NAA35: variants seen among roughly 807,000 people sequenced by gnomAD.
NAA35 encodes the protein N-alpha-acetyltransferase 35, NatC auxiliary subunit.
NAA35 carries 18 observed loss-of-function variants against 101.7 expected under a neutral mutation model. The observed-to-expected ratio is 0.18, with a 90% CI of 0.12 to 0.26. The LOEUF (loss-of-function observed/expected upper bound fraction) is 0.26, where lower values mean the gene tolerates loss of function less well. Among genes scored for constraint, NAA35 ranks in the 10% least tolerant of loss-of-function variants. The pLI is 1.00. For missense variants in NAA35, 601 were observed against 886.8 expected, an observed-to-expected ratio of 0.68 and a Z score of 4.09; for synonymous variants, 267 against 273.1, an observed-to-expected ratio of 0.98 and a Z score of 0.22.
intron 2 of NAA35, among the ~76,000 whole-genome samples, chr9:85,946,375 C>A (rs2118254013): frequency 6.6e-6 from 1 of 152,278 alleles, no homozygotes; most frequent in African/African-American, 2.4e-5. Context: ...AAGGGATCCT[C>A]TTGCCTCAGC....
At chr9:85,984,910 T>C (rs1476658480) in intron 11 of NAA35, among the ~76,000 whole-genome samples, 2 of 152,130 alleles carry the variant, frequency 1.3e-5, no homozygotes, top group Non-Finnish European at 2.9e-5. Flanking sequence ...ATGTGAGAAC[T>C]AAAGCTATGG....
chr9:85,979,574 C>T (rs572837702), intron 11 of NAA35, among the ~76,000 whole-genome samples: 1 of 152,144 alleles, frequency 6.6e-6, no homozygotes, highest in South Asian at 2.1e-4. Context: ...AATTTTGCTT[C>T]TAAGAGAAGT....
intron 6 of NAA35, among the ~76,000 whole-genome samples, chr9:85,972,268 G>A (rs536850510): frequency 1.3e-5 from 2 of 152,166 alleles, no homozygotes; most frequent in East Asian, 3.9e-4. Flanking sequence ...CACTTTGGGA[G>A]GCTGAGATGG....
At chr9:85,979,153 G>T (rs1587609319) in intron 11 of NAA35, among the ~76,000 whole-genome samples, 1 of 152,108 alleles carries the variant, frequency 6.6e-6, no homozygotes, top group Non-Finnish European at 1.5e-5. Flanking sequence ...TTTACTTTCT[G>T]CAGAAAGGGT....
chr9:85,958,998 A>G (rs530844304), intron 4 of NAA35, among the ~76,000 whole-genome samples: 1 of 152,338 alleles, frequency 6.6e-6, no homozygotes, highest in African/African-American at 2.4e-5. Context: ...TATTTTATAA[A>G]GAAAGATTTA....
chr9:86,020,341 C>T (rs1222785548), intron 21 of NAA35, among the ~76,000 whole-genome samples: 1 of 152,058 alleles, frequency 6.6e-6, no homozygotes, highest in Non-Finnish European at 1.5e-5. Flanking sequence ...AGTCTGTGCT[C>T]CTAATACTAT....
chr9:85,975,731 T>G (rs925039274), intron 8 of NAA35, among the ~76,000 whole-genome samples: 1 of 152,220 alleles, frequency 6.6e-6, no homozygotes, highest in Non-Finnish European at 1.5e-5. Flanking sequence ...TGCCAGTGTT[T>G]TAGATTTTTA....
chr9:86,023,311 G>T lies in NAA35; in HGVS notation c.*1351G>T, dbSNP rs1488785627. On this transcript the variant is annotated 3_prime_UTR_variant, in exon 23 of 23. Transcript: ENST00000361671. ...TTATGGAGAGACAAAGAGTATACCT[G>T]TTACTGATGTAGTTACTTTGTTGAG... Among the ~76,000 whole-genome samples, 1 of 152,162 alleles carries T rather than the reference G, an allele frequency of 6.6e-6. No homozygotes were observed. Among genetic ancestry groups the T allele is most frequent in the East Asian group, 1.9e-4 (1 of 5,196 alleles).
At chr9:85,981,036 T>C (rs1830416784) in intron 11 of NAA35, among the ~76,000 whole-genome samples, 1 of 152,156 alleles carries the variant, frequency 6.6e-6, no homozygotes, top group South Asian at 2.1e-4. Flanking sequence ...CGTGCTAAAA[T>C]GTTAGGTAAT....
At chr9:85,955,360 A>ATATATTTTTTTT (rs749448250) in intron 2 of NAA35, among the ~76,000 whole-genome samples, 3 of 53,940 alleles carry the variant, frequency 5.6e-5, no homozygotes, top group Non-Finnish European at 9.1e-5. Flanking sequence ...ATATATATAT[A>ATATATTTTTTTT]TTTTTTTTTT....
At chr9:85,967,201 G>A (rs1829782341) in intron 6 of NAA35, among the ~76,000 whole-genome samples, 1 of 152,008 alleles carries the variant, frequency 6.6e-6, no homozygotes, top group African/African-American at 2.4e-5. Context: ...ATAGGGTTAT[G>A]GTTGAAATAA....
In NAA35 at chr9:86,013,722, G is replaced by A; in HGVS notation, c.1393G>A (p.Glu465Lys). The change falls in exon 17 of 23, where the codon GAG (glutamate) becomes AAG (lysine). Residue 465 changes from glutamate to lysine, a missense_variant. Transcript: ENST00000361671. The part of the protein sequence containing the change: ...EEFATLQDEA[E>K]KVDAALHTML... Reference sequence around the variant, plus strand: ...TTATGACATTTTATTTTAATAGGCAGAGAAGGTTGATGCAGCGCTTCACAC... The same window carrying A: ...TTATGACATTTTATTTTAATAGGCAAAGAAGGTTGATGCAGCGCTTCACAC... 6.2e-7 allele frequency: 1 copy of A among 1,612,016 alleles called. No individual in the cohort carries two copies. The highest frequency in any genetic ancestry group is 8.5e-7 in the Non-Finnish European group (1 of 1,178,600).
rs369427287 is a variant in NAA35 at position 85,959,296 on chromosome 9, G to A, written c.274-497G>A. 2.9e-3 allele frequency among the ~76,000 whole-genome samples: 433 copies of A among 150,524 alleles called. 5 individuals carry two copies. The South Asian group carries it at 0.033, about 12-fold the overall frequency. ...GAGGCTGAGGCAGGAGAATGGCGTG[G>A]ACCCGGGAGGCGGAGCTTGCATTGA... On this transcript the variant is annotated intron_variant, in intron 4 of 22. Coordinates refer to ENST00000361671, the MANE Select transcript of NAA35 (RefSeq NM_024635.4).
chr9:86,007,597 A>G (rs1460791140), intron 14 of NAA35, 133 bp downstream of exon 14: 1 of 579,886 alleles, frequency 1.7e-6, no homozygotes, highest in African/African-American at 1.9e-5. Context: ...TAATAGTGTT[A>G]AAATTAATTG....
intron 11 of NAA35, among the ~76,000 whole-genome samples, chr9:85,992,314 A>G (rs1299421931): frequency 6.6e-6 from 1 of 152,234 alleles, no homozygotes; most frequent in African/African-American, 2.4e-5. Context: ...CTGACAGATC[A>G]TAACTTATTG....
At chr9:85,985,719 TTAAA>T (rs1459926437) in intron 11 of NAA35, among the ~76,000 whole-genome samples, 4 of 152,204 alleles carry the variant, frequency 2.6e-5, no homozygotes, top group Admixed American at 1.3e-4. Context: ...ATTGTATACT[TTAAA>T]TAGGTGAGTT....
intron 9 of NAA35, 108 bp from the exon 10 acceptor site, chr9:85,977,255 A>G (rs1830252047): frequency 3.9e-6 from 3 of 777,962 alleles, no homozygotes; most frequent in Admixed American, 4.2e-5. Context: ...AGGTGCCTGT[A>G]ATGTAGTAAG....
At position 85,962,079 on chromosome 9, in the gene NAA35, G is replaced by C. The variant is rs1321522157; in HGVS notation, c.415G>C (p.Asp139His). 1.9e-6 allele frequency: 3 copies of C among 1,613,996 alleles called. No homozygotes were observed. The highest frequency in any genetic ancestry group is 2.5e-6 in the Non-Finnish European group (3 of 1,179,972). ...TACGTGCCTTTACATTCATAATCCA[G>C]ACTTTATAGAAGATCCTGCTATGAA... Reference protein sequence around the residue: ...VFTCLYIHNPDFIEDPAMKAF... With the variant: ...VFTCLYIHNPHFIEDPAMKAF... Residue 139 changes from aspartate to histidine, a missense_variant, in exon 6 of 23, where the codon GAC (aspartate) becomes CAC (histidine). Physicochemically the swap from Asp to His is moderately conservative, Grantham distance 81. Transcript: ENST00000361671.
chr9:85,966,177 G>A (rs1241215284), intron 6 of NAA35, among the ~76,000 whole-genome samples: 2 of 152,134 alleles, frequency 1.3e-5, no homozygotes, highest in Non-Finnish European at 2.9e-5. Context: ...CAATGCTCAA[G>A]TGATCTTCCC....
Sources: allele counts gnomAD v4.1 joint callset (sites outside exome capture counted in the v4.1 genomes callset), GRCh38; gene constraint gnomAD v4.1.1; transcripts MANE v1.5; gene names NCBI Gene and HGNC (gene_info 2026-07-23, HGNC 2026-07-21).